The following RPS6KC1 variants were observed in gnomAD, a reference collection of about 807,000 sequenced individuals.
The protein encoded by RPS6KC1 is ribosomal protein S6 kinase C1.
A neutral mutation model predicts 103.8 loss-of-function variants in RPS6KC1; 54 were observed. The observed-to-expected ratio is 0.52, with a 90% confidence interval of 0.42 to 0.65. RPS6KC1 has a LOEUF of 0.65. Ranked by LOEUF, RPS6KC1 falls within the 30% of genes least tolerant of loss-of-function variation. The pLI is 0.00. For synonymous variants in RPS6KC1, 439 were observed against 438.7 expected (o/e 1.00, Z -0.01); for missense variants, 1,151 against 1,253.8 (o/e 0.92, Z 1.24).
At chr1:213,513,826 A>G in the RPS6KC1 span, among the ~76,000 whole-genome samples, 1 of 152,234 alleles carries the variant, frequency 6.6e-6, no homozygotes, top group South Asian at 2.1e-4. Flanking sequence ...ACAAAGTAAT[A>G]CTGATATGCA....
At chr1:213,844,001 GAA>G in the RPS6KC1 span, among the ~76,000 whole-genome samples, 5 of 144,684 alleles carry the variant, frequency 3.5e-5, no homozygotes, top group African/African-American at 9.9e-5. Flanking sequence ...CAGCTAGGGG[GAA>G]AAAAAAAAAG....
chr1:213,545,371 C>CAAATAAAT, the RPS6KC1 span, among the ~76,000 whole-genome samples: 4,245 of 119,466 alleles, frequency 0.036, 161 homozygotes, highest in East Asian at 0.1. Flanking sequence ...AACTCTGTCT[C>CAAATAAAT]AAATAAATAA....
At chr1:213,754,649 C>A in the RPS6KC1 span, among the ~76,000 whole-genome samples, 1 of 152,302 alleles carries the variant, frequency 6.6e-6, no homozygotes, top group African/African-American at 2.4e-5. Context: ...TCCCTGAGGC[C>A]TCCCCAGAAG....
At chr1:213,822,877 C>T in the RPS6KC1 span, among the ~76,000 whole-genome samples, 4 of 152,148 alleles carry the variant, frequency 2.6e-5, no homozygotes, top group African/African-American at 7.2e-5. Flanking sequence ...CTGCTTCTGC[C>T]TCTACCCTTG....
the RPS6KC1 span, among the ~76,000 whole-genome samples, chr1:213,479,111 C>T: frequency 5.0e-4 from 76 of 152,160 alleles, no homozygotes; most frequent in East Asian, 0.011. Flanking sequence ...TATATTCTAT[C>T]ACCTGAATAT....
chr1:213,356,367 G>A, the RPS6KC1 span, among the ~76,000 whole-genome samples: 3 of 152,154 alleles, frequency 2.0e-5, no homozygotes, highest in African/African-American at 7.2e-5. Flanking sequence ...AGTAAAACCT[G>A]CCCCCAGGCC....
At chr1:213,443,974 G>T in the RPS6KC1 span, among the ~76,000 whole-genome samples, 1 of 152,132 alleles carries the variant, frequency 6.6e-6, no homozygotes, top group Non-Finnish European at 1.5e-5. Flanking sequence ...CAAACGAGTG[G>T]CTTAAGCCAC....
chr1:213,371,257 C>T, the RPS6KC1 span, among the ~76,000 whole-genome samples: 24 of 152,164 alleles, frequency 1.6e-4, no homozygotes, highest in Non-Finnish European at 2.8e-4. Flanking sequence ...CCTCAAGGCT[C>T]ATCCTGTTGT....
chr1:213,687,317 G>A, the RPS6KC1 span, among the ~76,000 whole-genome samples: 13 of 152,102 alleles, frequency 8.5e-5, no homozygotes, highest in Non-Finnish European at 1.8e-4. Context: ...TAACACAGAA[G>A]GTCTCATTGC....
At chr1:213,445,266 G>T in the RPS6KC1 span, among the ~76,000 whole-genome samples, 1 of 152,160 alleles carries the variant, frequency 6.6e-6, no homozygotes, top group Non-Finnish European at 1.5e-5. Context: ...GGATGTTAAG[G>T]TTGTTTCTAA....
At chr1:213,323,853 C>A in the RPS6KC1 span, among the ~76,000 whole-genome samples, 1 of 152,130 alleles carries the variant, frequency 6.6e-6, no homozygotes, top group Non-Finnish European at 1.5e-5. Context: ...AATCAATGAA[C>A]CTACATCGAC....
chr1:213,436,476 G>A, the RPS6KC1 span, among the ~76,000 whole-genome samples: 4 of 152,094 alleles, frequency 2.6e-5, no homozygotes, highest in South Asian at 4.1e-4. Context: ...TGGATGTCCA[G>A]GTGTGTTGTT....
the RPS6KC1 span, among the ~76,000 whole-genome samples, chr1:213,545,886 A>T: frequency 2.6e-5 from 4 of 152,062 alleles, no homozygotes; most frequent in Non-Finnish European, 5.9e-5. Flanking sequence ...CAGCTCTGGG[A>T]TGGGGGCTTC....
At chr1:213,525,987 G>C in the RPS6KC1 span, among the ~76,000 whole-genome samples, 39 of 152,266 alleles carry the variant, frequency 2.6e-4, no homozygotes, top group African/African-American at 9.4e-4. Flanking sequence ...TCTGAAGGGA[G>C]ATGTGGGGTC....
intron 8 of RPS6KC1, among the ~76,000 whole-genome samples, chr1:213,228,165 A>G (rs188526279): frequency 6.6e-6 from 1 of 152,336 alleles, no homozygotes. Flanking sequence ...TGTTACTGAG[A>G]GCTAGAGTGA....
the RPS6KC1 span, among the ~76,000 whole-genome samples, chr1:213,297,232 G>T: frequency 6.6e-6 from 1 of 152,226 alleles, no homozygotes; most frequent in African/African-American, 2.4e-5. Flanking sequence ...AACTCACACA[G>T]ACTGATCATG....
chr1:213,331,463 A>T, the RPS6KC1 span, among the ~76,000 whole-genome samples: 1 of 152,220 alleles, frequency 6.6e-6, no homozygotes, highest in Non-Finnish European at 1.5e-5. Context: ...CGGTTAATTG[A>T]GCCACTAGTA....
the RPS6KC1 span, among the ~76,000 whole-genome samples, chr1:213,606,785 T>C: frequency 2.6e-5 from 4 of 152,186 alleles, no homozygotes; most frequent in Non-Finnish European, 5.9e-5. Context: ...ATTGTGGGGA[T>C]CAAGGTTTTA....
the RPS6KC1 span, among the ~76,000 whole-genome samples, chr1:213,362,015 T>G: frequency 6.6e-6 from 1 of 152,326 alleles, no homozygotes; most frequent in East Asian, 1.9e-4. Flanking sequence ...GGTAAATTAT[T>G]TTAAAACCCT....
Sources: allele counts gnomAD v4.1 joint callset (sites outside exome capture counted in the v4.1 genomes callset), GRCh38; gene constraint gnomAD v4.1.1; transcripts MANE v1.5; gene names NCBI Gene and HGNC (gene_info 2026-07-23, HGNC 2026-07-21).